The following TENM2 variants were observed in gnomAD, a reference collection of about 807,000 sequenced individuals.
The protein encoded by TENM2 is teneurin-2.
Under a neutral mutation model 245.2 loss-of-function variants are expected in TENM2, and 52 were observed. The ratio of observed to expected loss-of-function variants is 0.21; its 90% CI spans 0.17 to 0.27. TENM2 has a LOEUF of 0.27. Among genes scored for constraint, TENM2 ranks in the 10% least tolerant of loss-of-function variants. The pLI is 1.00. For missense variants in TENM2, 3,046 were observed against 3,666.8 expected (o/e 0.83, Z 4.37); for synonymous variants, 1,363 against 1,438.9 (o/e 0.95, Z 1.19).
At chr5:167,749,772 C>T (rs1761837275) in intron 2 of TENM2, among the ~76,000 whole-genome samples, 1 of 152,140 alleles carries the variant, frequency 6.6e-6, no homozygotes, top group Non-Finnish European at 1.5e-5. Context: ...TTAAATCAGT[C>T]AATGACTGTG....
chr5:167,515,680 T>TACACATATATACGTATATATGTATATA (rs1283561249), intron 2 of TENM2, among the ~76,000 whole-genome samples: 2 of 55,800 alleles, frequency 3.6e-5, no homozygotes, highest in Non-Finnish European at 5.3e-5. Flanking sequence ...TGTATATATA[T>TACACATATATACGTATATATGTATATA]TTTGAGAGGG....
the TENM2 span, among the ~76,000 whole-genome samples, chr5:167,201,145 A>G: frequency 6.6e-6 from 1 of 152,162 alleles, no homozygotes; most frequent in Admixed American, 6.5e-5. Context: ...TTACCTACCA[A>G]AAGTATTGAC....
At chr5:167,643,754 G>A (rs1779753946) in intron 2 of TENM2, among the ~76,000 whole-genome samples, 1 of 152,082 alleles carries the variant, frequency 6.6e-6, no homozygotes, top group Non-Finnish European at 1.5e-5. Context: ...AACCCTAAAT[G>A]GTGGAAATAT....
intron 2 of TENM2, among the ~76,000 whole-genome samples, chr5:167,708,167 A>T (rs1422658541): frequency 2.0e-5 from 3 of 152,172 alleles, no homozygotes; most frequent in Non-Finnish European, 4.4e-5. Context: ...ATGTCATGAC[A>T]TCTGGACTCA....
the TENM2 span, among the ~76,000 whole-genome samples, chr5:167,029,399 C>G: frequency 6.6e-6 from 1 of 152,140 alleles, no homozygotes; most frequent in African/African-American, 2.4e-5. Flanking sequence ...CTCTAATGAG[C>G]CAATAGTTAA....
At chr5:167,927,959 A>T (rs1156651321) in intron 3 of TENM2, among the ~76,000 whole-genome samples, 2 of 152,214 alleles carry the variant, frequency 1.3e-5, no homozygotes, top group Non-Finnish European at 2.9e-5. Context: ...TAGGAAGACT[A>T]AATGCTTTTT....
At chr5:168,019,229 A>C (rs1785931600) in intron 5 of TENM2, among the ~76,000 whole-genome samples, 1 of 152,236 alleles carries the variant, frequency 6.6e-6, no homozygotes, top group African/African-American at 2.4e-5. Flanking sequence ...GAAGGACAGC[A>C]TGACAACAAG....
intron 2 of TENM2, among the ~76,000 whole-genome samples, chr5:167,729,765 A>G (rs1455611289): frequency 6.6e-6 from 1 of 152,180 alleles, no homozygotes; most frequent in Non-Finnish European, 1.5e-5. Context: ...GTTTAGTAAT[A>G]GAAATTTGAA....
intron 1 of TENM2, among the ~76,000 whole-genome samples, chr5:167,288,680 G>A (rs1031531321): frequency 1.3e-5 from 2 of 152,100 alleles, no homozygotes; most frequent in Admixed American, 6.5e-5. Context: ...ACAGCTTTGC[G>A]AGGTGGATAC....
At chr5:167,806,904 GT>G (rs577565579) in intron 2 of TENM2, among the ~76,000 whole-genome samples, 157 of 151,932 alleles carry the variant, frequency 1.0e-3, no homozygotes, top group African/African-American at 3.6e-3. Context: ...GTAACAGTGT[GT>G]GACAGTACAC....
chr5:167,656,667 A>G (rs1292350978), intron 2 of TENM2, among the ~76,000 whole-genome samples: 4 of 152,116 alleles, frequency 2.6e-5, no homozygotes. Flanking sequence ...TATTAAATAT[A>G]TGCGTTTTTA....
chr5:167,522,696 A>G (rs1038739883), intron 2 of TENM2, among the ~76,000 whole-genome samples: 3 of 152,122 alleles, frequency 2.0e-5, no homozygotes, highest in Non-Finnish European at 2.9e-5. Context: ...GTGAATCTCA[A>G]CTAGATTCAT....
At chr5:167,605,923 G>C (rs188019215) in intron 2 of TENM2, among the ~76,000 whole-genome samples, 2 of 152,128 alleles carry the variant, frequency 1.3e-5, no homozygotes, top group African/African-American at 4.8e-5. Flanking sequence ...GGATAGAGCC[G>C]AGAGAAATTT....
chr5:167,287,063 C>G (rs1190304871), intron 1 of TENM2, among the ~76,000 whole-genome samples: 3 of 152,208 alleles, frequency 2.0e-5, no homozygotes, highest in Non-Finnish European at 4.4e-5. Flanking sequence ...TAAAAAGCAT[C>G]AGAAGGTATT....
At chr5:168,229,546 A>C (rs112585221) in intron 25 of TENM2, 1 of 139,434 alleles carries the variant, frequency 7.2e-6, no homozygotes, top group African/African-American at 3.1e-5. Flanking sequence ...AAATAAATAA[A>C]TAACTGCAGA....
intron 12 of TENM2, among the ~76,000 whole-genome samples, chr5:168,133,706 G>T (rs1754789886): frequency 6.6e-6 from 1 of 152,174 alleles, no homozygotes; most frequent in African/African-American, 2.4e-5. Flanking sequence ...GGAATCTTTT[G>T]TACATTGAAA....
chr5:167,316,163 C>A (rs962764860), intron 1 of TENM2, among the ~76,000 whole-genome samples: 11 of 152,156 alleles, frequency 7.2e-5, no homozygotes, highest in African/African-American at 7.2e-5. Context: ...ATTTACTCAT[C>A]TATATACTGC....
chr5:167,066,679 A>G, the TENM2 span, among the ~76,000 whole-genome samples: 2 of 152,094 alleles, frequency 1.3e-5, no homozygotes, highest in Non-Finnish European at 2.9e-5. Flanking sequence ...GAATGTTTCA[A>G]TGCAAATCAA....
rs577392692 is a variant in TENM2, at chr5:167,972,229, C to T, written c.947+19407C>T. ...TCAATTTCCATTTTCAAGGAAATTTCATTTGAAGGTTGATTATTTTAGGCT... is the reference window on the plus strand; with the variant it reads ...TCAATTTCCATTTTCAAGGAAATTTTATTTGAAGGTTGATTATTTTAGGCT... On this transcript the variant is annotated intron_variant, in intron 4 of 28. Coordinates refer to ENST00000518659, the Ensembl canonical transcript of TENM2. Among the ~76,000 whole-genome samples, 7 of 152,228 alleles carry T rather than the reference C, an allele frequency of 4.6e-5. No individual in the cohort carries two copies. In the South Asian group the frequency reaches 1.5e-3, roughly 32 times the overall value.
Sources: gnomAD v4.1 joint callset for allele counts (sites outside exome capture counted in the v4.1 genomes callset) on GRCh38, gnomAD v4.1.1 for gene constraint, MANE v1.5 for transcripts, NCBI Gene and HGNC (gene_info 2026-07-23, HGNC 2026-07-21) for gene names.